The following ZFYVE26 variants were observed in gnomAD, a reference collection of about 807,000 sequenced individuals.
ZFYVE26 encodes the protein zinc finger FYVE domain-containing protein 26.
Under a neutral mutation model 276.5 loss-of-function variants are expected in ZFYVE26, and 181 were observed. The ratio of observed to expected loss-of-function variants is 0.65; its 90% CI spans 0.58 to 0.74. The LOEUF is 0.74. Ranked by LOEUF, ZFYVE26 falls within the 30% of genes least tolerant of loss-of-function variation. The pLI is 0.00. For synonymous variants in ZFYVE26, 1,129 were observed against 1,203.1 expected (o/e 0.94, Z 1.27); for missense variants, 2,821 against 3,097.9 (o/e 0.91, Z 2.12).
At chr14:67,801,430 A>G (rs185477958) in intron 10 of ZFYVE26, among the ~76,000 whole-genome samples, 386 of 152,298 alleles carry the variant, frequency 2.5e-3, no homozygotes, top group Non-Finnish European at 3.2e-3. Flanking sequence ...TACACTAAAG[A>G]TGATCACGCC....
chr14:67,757,205 CTT>C (rs2038800761), intron 35 of ZFYVE26, among the ~76,000 whole-genome samples: 1 of 152,308 alleles, frequency 6.6e-6, no homozygotes, highest in African/African-American at 2.4e-5. Context: ...ATTCTTACCT[CTT>C]GTCAGTCTAA....
In ZFYVE26 at chr14:67,807,456, G is replaced by T; in HGVS notation, c.828C>A (p.Gly276=). The T allele has an allele frequency of 6.2e-7, 1 of 1,614,200 alleles. No individual in the cohort carries two copies. Among genetic ancestry groups the T allele is most frequent in the Non-Finnish European group, 8.5e-7 (1 of 1,180,036 alleles). The change falls in exon 5 of 42, where the codon GGC becomes GGA. Residue 276 remains glycine, a synonymous_variant. Coordinates refer to ENST00000347230, the MANE Select transcript of ZFYVE26 (RefSeq NM_015346.4). ...CTGTGACCTTCTCTGCATAGGTATG[G>T]CCATACAGGGACAGCAGGCCCCGGC... ...KASRGLLSLY[G]HTYAEKVTEK...
chr14:67,756,650 T>C (rs1302695438), intron 35 of ZFYVE26, among the ~76,000 whole-genome samples: 1 of 152,212 alleles, frequency 6.6e-6, no homozygotes, highest in Non-Finnish European at 1.5e-5. Flanking sequence ...TCTATGTCTT[T>C]GGCTGCTTCT....
At chr14:67,754,683 A>G (rs536540810) in intron 37 of ZFYVE26, among the ~76,000 whole-genome samples, 3 of 152,338 alleles carry the variant, frequency 2.0e-5, no homozygotes, top group African/African-American at 7.2e-5. Flanking sequence ...GAGAGGAATT[A>G]AGGACTTGGT....
At chr14:67,766,144 T>C (rs751707923) in intron 32 of ZFYVE26, 83 bp downstream of exon 32, 4 of 1,334,540 alleles carry the variant, frequency 3.0e-6, no homozygotes, top group African/African-American at 1.4e-5. Context: ...GATGGTGAGA[T>C]AAAAAAATCA....
intron 21 of ZFYVE26, among the ~76,000 whole-genome samples, chr14:67,782,438 T>G (rs955450432): frequency 3.9e-5 from 6 of 152,198 alleles, no homozygotes; most frequent in African/African-American, 1.4e-4. Context: ...TGATCCCTAT[T>G]TTAAAGTAAA....
chr14:67,762,853 C>T, intron 32 of ZFYVE26, 34 bp from the exon 33 acceptor site: 2 of 1,612,116 alleles, frequency 1.2e-6, no homozygotes, highest in South Asian at 1.1e-5. Context: ...CCATGAGGCT[C>T]CCTAGTGTCT....
Position 67,789,322 on chromosome 14 carries a change from AC to A in ZFYVE26, c.3019+12del. The stretch of plus-strand genomic sequence containing the variant: ...TTGAGAATGAAGGGATACAGCTAAC[AC>A]AGCACACTCACCCCGCCTTTCAAGG... On this transcript the variant is annotated intron_variant, in intron 16 of 41. Transcript: ENST00000347230. 6.2e-7 allele frequency: 1 copy of A among 1,614,038 alleles called. No individual in the cohort carries two copies. The highest frequency in any genetic ancestry group is 8.5e-7 in the Non-Finnish European group (1 of 1,180,036).
intron 4 of ZFYVE26, 68 bp downstream of exon 4, chr14:67,809,132 G>C (rs916376281): frequency 9.6e-6 from 13 of 1,355,036 alleles, no homozygotes; most frequent in Non-Finnish European, 1.3e-5. Flanking sequence ...TCTCTTCTGG[G>C]TCCATGGAAG....
intron 40 of ZFYVE26, 125 bp downstream of exon 40, chr14:67,752,219 G>C: frequency 8.1e-7 from 1 of 1,238,010 alleles, no homozygotes; most frequent in Non-Finnish European, 1.2e-6. Context: ...TATTGCAGAG[G>C]GGTTCAGAAT....
downstream of ZFYVE26, among the ~76,000 whole-genome samples, chr14:67,742,838 C>CTTTT (rs71446342): frequency 6.9e-4 from 62 of 89,748 alleles, 2 homozygotes; most frequent in East Asian, 0.01. Context: ...TCTTCTTCTT[C>CTTTT]TTTTTTTTTT....
Position 67,748,238 on chromosome 14 carries a change from C to T in ZFYVE26, c.*198G>A, listed in dbSNP as rs1461086997. On this transcript the variant is annotated 3_prime_UTR_variant, in exon 42 of 42. Transcript: ENST00000347230. ...TCCAGACAAACACACATAGATTCCA[C>T]AATTTTAGAGAAACATGGCACTTGC... The T allele has an allele frequency of 3.2e-6, 2 of 628,560 alleles. No individual in the cohort carries two copies. Among genetic ancestry groups the T allele is most frequent in the Non-Finnish European group, 2.8e-6 (1 of 363,568 alleles). The allele number at this position is 628,560 out of a possible 1,614,324, so 38.9% of individuals were successfully genotyped here.
intron 12 of ZFYVE26, chr14:67,796,513 G>C (rs1274810031): frequency 2.0e-5 from 3 of 151,966 alleles, no homozygotes; most frequent in Non-Finnish European, 4.4e-5. Flanking sequence ...GCCGAAGAAA[G>C]GATTTTGAAT....
chr14:67,752,212 T>C, intron 40 of ZFYVE26, 132 bp downstream of exon 40: 1 of 1,203,164 alleles, frequency 8.3e-7, no homozygotes. Flanking sequence ...AGGCCATTAT[T>C]GCAGAGGGGT....
In ZFYVE26 at chr14:67,761,526, C is replaced by T. The variant is rs897715471; in HGVS notation, c.6428G>A (p.Ser2143Asn). Residue 2143 changes from serine (S) to asparagine (N), a missense_variant, in exon 35 of 42, where the codon AGC becomes AAC. Transcript: ENST00000347230. ...RELEATLRTQ[S>N]LSLAVIPEGK... ...TTCAGGAATCACTGCCAGAGAAAGG[C>T]TCTGCGTCCGAAGGGTAGCTTCCAG... 6.2e-6 allele frequency: 10 copies of T among 1,614,210 alleles called. No individual in the cohort carries two copies. Among genetic ancestry groups the T allele is most frequent in the Non-Finnish European group, 8.5e-6 (10 of 1,180,042 alleles).
chr14:67,733,038 G>C (rs1238077479), intron 13 of ZFYVE26, among the ~76,000 whole-genome samples: 1 of 152,000 alleles, frequency 6.6e-6, no homozygotes, highest in African/African-American at 2.4e-5. Flanking sequence ...GAGTTCATGG[G>C]TGCAGCACAC....
chr14:67,806,288 C>T (rs904485343), intron 6 of ZFYVE26, among the ~76,000 whole-genome samples: 5 of 152,204 alleles, frequency 3.3e-5, no homozygotes, highest in Non-Finnish European at 7.3e-5. Flanking sequence ...TTCTTGCATC[C>T]TCCAGAAAGC....
chr14:67,759,353 G>A (rs907427476), intron 35 of ZFYVE26, among the ~76,000 whole-genome samples: 3 of 149,850 alleles, frequency 2.0e-5, no homozygotes, highest in Middle Eastern at 3.6e-3. Flanking sequence ...GTGGCCAGGC[G>A]CGGTGGCTCA....
At chr14:67,777,386 A>G (rs1014939010) in intron 25 of ZFYVE26, among the ~76,000 whole-genome samples, 173 bp downstream of exon 25, 3 of 152,232 alleles carry the variant, frequency 2.0e-5, no homozygotes, top group African/African-American at 7.2e-5. Context: ...TAAAGATTTC[A>G]TATAGCACAG....
Sources: allele counts gnomAD v4.1 joint callset (sites outside exome capture counted in the v4.1 genomes callset), GRCh38; gene constraint gnomAD v4.1.1; transcripts MANE v1.5; gene names NCBI Gene and HGNC (gene_info 2026-07-23, HGNC 2026-07-21).